SHISA6: variants seen among roughly 807,000 people sequenced by gnomAD.
SHISA6 encodes protein shisa-6.
In SHISA6, 22 loss-of-function variants were observed where a neutral mutation model predicts 47.9. That is an observed-to-expected ratio of 0.46 (90% CI 0.33 to 0.66). The LOEUF is 0.66. Ranked by LOEUF, SHISA6 falls within the 30% of genes least tolerant of loss-of-function variation. The probability of loss-of-function intolerance (pLI) is 0.02; values close to 1 mark genes in which losing one functional copy is unlikely to be tolerated. For synonymous variants in SHISA6, 388 were observed against 337.8 expected, an observed-to-expected ratio of 1.15 and a Z score of -1.63; for missense variants, 680 against 764.6, an observed-to-expected ratio of 0.89 and a Z score of 1.30.
rs1366123077 is a variant in SHISA6 at position 11,557,913 on chromosome 17, T to G, written c.1265T>G (p.Val422Gly). 6.4e-7 allele frequency: 1 copy of G among 1,551,560 alleles called. No individual in the cohort carries two copies. The highest frequency in any genetic ancestry group is 8.7e-7 in the Non-Finnish European group (1 of 1,146,990). The change falls in exon 6 of 6, where the codon GTC becomes GGC. Residue 422 changes from valine to glycine, a missense_variant. By Grantham distance (109) the Val-to-Gly change is moderately radical. Around this residue, in one of 2 missense-constraint regions of SHISA6, gnomAD observed 559 missense variants for 674.1 expected, o/e 0.83. Coordinates refer to ENST00000441885, the MANE Select transcript of SHISA6 (RefSeq NM_207386.4). ...ATCCGGGCCATGTCCCAGGACAGGG[T>G]CCTGTCCCCGGATCGGGGCCTGCCA... is the stretch of plus-strand genomic sequence containing the variant. ...RPIRAMSQDR[V>G]LSPDRGLPDE...
chr17:11,315,599 A>T (rs1910482138), intron 2 of SHISA6, among the ~76,000 whole-genome samples: 1 of 152,226 alleles, frequency 6.6e-6, no homozygotes, highest in Non-Finnish European at 1.5e-5. Flanking sequence ...ATTGACATTT[A>T]AAAAAGATTT....
chr17:11,510,280 T>C (rs2071531529), intron 3 of SHISA6, among the ~76,000 whole-genome samples: 1 of 152,152 alleles, frequency 6.6e-6, no homozygotes, highest in Admixed American at 6.5e-5. Context: ...GTTCCCACAG[T>C]GCTCCACTGC....
chr17:11,324,606 G>A (rs1221850648), intron 2 of SHISA6, among the ~76,000 whole-genome samples: 1 of 152,080 alleles, frequency 6.6e-6, no homozygotes, highest in Non-Finnish European at 1.5e-5. Flanking sequence ...TCCAGATTGG[G>A]GGGTGGAGAG....
intron 2 of SHISA6, among the ~76,000 whole-genome samples, chr17:11,285,529 A>G (rs1453317304): frequency 6.6e-6 from 1 of 152,148 alleles, no homozygotes; most frequent in African/African-American, 2.4e-5. Context: ...AATGAATCCT[A>G]CTGACAGTTT....
chr17:11,336,312 C>A (rs1911318883), intron 2 of SHISA6, among the ~76,000 whole-genome samples: 1 of 151,748 alleles, frequency 6.6e-6, no homozygotes, highest in African/African-American at 2.4e-5. Context: ...ACACTTTTGT[C>A]AGAATAGTCT....
chr17:11,327,536 C>A (rs998008130), intron 2 of SHISA6, among the ~76,000 whole-genome samples: 16 of 152,202 alleles, frequency 1.1e-4, no homozygotes, highest in African/African-American at 3.6e-4. Flanking sequence ...TCCAGTAATA[C>A]TGAAGGACCC....
At chr17:11,303,598 G>T (rs897967875) in intron 2 of SHISA6, among the ~76,000 whole-genome samples, 2 of 152,112 alleles carry the variant, frequency 1.3e-5, no homozygotes, top group Non-Finnish European at 2.9e-5. Context: ...TTACCTGTAG[G>T]AGAGCCACAC....
chr17:11,381,914 A>G (rs569581454), intron 3 of SHISA6, among the ~76,000 whole-genome samples: 1 of 152,084 alleles, frequency 6.6e-6, no homozygotes, highest in South Asian at 2.1e-4. Context: ...TCCTTTCTCT[A>G]CCAAGGCTTC....
At chr17:11,323,600 G>A (rs1274612572) in intron 2 of SHISA6, among the ~76,000 whole-genome samples, 1 of 152,038 alleles carries the variant, frequency 6.6e-6, no homozygotes, top group Non-Finnish European at 1.5e-5. Context: ...GTTGCAGTGA[G>A]CCGAGATCGC....
chr17:11,444,192 G>A (rs1915170634), intron 3 of SHISA6, among the ~76,000 whole-genome samples: 2 of 152,118 alleles, frequency 1.3e-5, no homozygotes, highest in Non-Finnish European at 2.9e-5. Flanking sequence ...GGTGGCACAC[G>A]CCTGTAGTCC....
At chr17:11,439,553 A>G (rs1051718906) in intron 3 of SHISA6, among the ~76,000 whole-genome samples, 3 of 152,216 alleles carry the variant, frequency 2.0e-5, no homozygotes, top group East Asian at 1.9e-4. Flanking sequence ...TGAATTTACA[A>G]CTTACTAATT....
intron 2 of SHISA6, among the ~76,000 whole-genome samples, chr17:11,326,984 G>T (rs982378162): frequency 3.3e-5 from 5 of 152,174 alleles, no homozygotes; most frequent in African/African-American, 1.2e-4. Flanking sequence ...TGTCCATTAC[G>T]ACCTTGCTCT....
intron 1 of SHISA6, among the ~76,000 whole-genome samples, chr17:11,257,082 C>G (rs1448895952): frequency 6.6e-6 from 1 of 152,158 alleles, no homozygotes; most frequent in Admixed American, 6.5e-5. Flanking sequence ...ATTGTTAACA[C>G]AACAAATGAG....
intron 2 of SHISA6, among the ~76,000 whole-genome samples, chr17:11,348,814 T>G (rs1428953331): frequency 6.6e-6 from 1 of 152,228 alleles, no homozygotes; most frequent in Non-Finnish European, 1.5e-5. Flanking sequence ...GTATCAAGAT[T>G]GCTCACTTTC....
chr17:11,540,516 C>T (rs941499280), intron 3 of SHISA6, among the ~76,000 whole-genome samples: 1 of 152,166 alleles, frequency 6.6e-6, no homozygotes, highest in Middle Eastern at 3.2e-3. Flanking sequence ...CTAAAGCTCT[C>T]ACTTCTACTA....
In SHISA6 at chr17:11,246,672, C is replaced by T. The variant is rs536107974; in HGVS notation, c.638+4612C>T. The stretch of plus-strand genomic sequence containing the variant: ...TATTCCCACTGAAGGGACAAAGTGA[C>T]GTTGCCCTGCCTTCATGTGCCACAG... On this transcript the variant is annotated intron_variant, in intron 1 of 5. Coordinates refer to ENST00000441885, the MANE Select transcript of SHISA6 (RefSeq NM_207386.4). 2.0e-5 allele frequency among the ~76,000 whole-genome samples: 3 copies of T among 152,256 alleles called. No homozygotes were observed. The South Asian group carries it at 6.2e-4, about 32-fold the overall frequency.
At chr17:11,446,671 G>A (rs555853339) in intron 3 of SHISA6, among the ~76,000 whole-genome samples, 1 of 152,336 alleles carries the variant, frequency 6.6e-6, no homozygotes, top group South Asian at 2.1e-4. Context: ...TCCAACCTGG[G>A]AAACCATTCA....
At chr17:11,396,773 A>AG (rs1913584780) in intron 3 of SHISA6, among the ~76,000 whole-genome samples, 3 of 152,322 alleles carry the variant, frequency 2.0e-5, no homozygotes, top group African/African-American at 7.2e-5. Flanking sequence ...GGAGAGCATT[A>AG]GGACAAATAC....
chr17:11,323,806 C>T (rs916853812), intron 2 of SHISA6, among the ~76,000 whole-genome samples: 41 of 152,088 alleles, frequency 2.7e-4, no homozygotes, highest in Admixed American at 1.3e-4. Context: ...GCTCCAGGGG[C>T]CTCAGCATGG....
Sources: gnomAD v4.1 joint callset for allele counts (sites outside exome capture counted in the v4.1 genomes callset) on GRCh38, gnomAD v4.1.1 for gene constraint, gnomAD v4.1.1 regional missense constraint, MANE v1.5 for transcripts, NCBI Gene and HGNC (gene_info 2026-07-23, HGNC 2026-07-21) for gene names.